Variants in LCP1 observed in about 807,000 individuals in gnomAD.
The protein encoded by LCP1 is plastin-2.
Under a neutral mutation model 72.0 loss-of-function variants are expected in LCP1, and 23 were observed. The ratio of observed to expected loss-of-function variants is 0.32; its 90% CI spans 0.23 to 0.45. The LOEUF is 0.45. Among genes scored for constraint, LCP1 ranks in the 20% least tolerant of loss-of-function variants. The pLI is 1.00. For missense variants in LCP1, 571 were observed against 748.3 expected (o/e 0.76, Z 2.76); for synonymous variants, 245 against 275.4 (o/e 0.89, Z 1.09).
chr13:46,167,268 G>A (rs1365831660), intron 1 of LCP1, among the ~76,000 whole-genome samples: 2 of 152,120 alleles, frequency 1.3e-5, no homozygotes, highest in Non-Finnish European at 2.9e-5. Context: ...ACCTCATATT[G>A]CTCTGGGTAC....
chr13:46,148,578 C>G, intron 8 of LCP1, 131 bp from the exon 9 acceptor site: 1 of 586,416 alleles, frequency 1.7e-6, no homozygotes. Context: ...CTTAACAAAG[C>G]TAGAAACATT....
chr13:46,169,778 G>A (rs1593963657), intron 1 of LCP1: 1 of 152,114 alleles, frequency 6.6e-6, no homozygotes, highest in Non-Finnish European at 1.5e-5. Flanking sequence ...TTGCACTAAG[G>A]CCCTCCAAAT....
At chr13:46,142,608 A>G in intron 12 of LCP1, 183 bp from the exon 13 acceptor site, 2 of 641,872 alleles carry the variant, frequency 3.1e-6, no homozygotes, top group East Asian at 5.7e-5. Flanking sequence ...TGTCCTTAGA[A>G]CCCCTCACTT....
At position 46,152,985 on chromosome 13, in the gene LCP1, T is replaced by G. The variant is rs368807624; in HGVS notation, c.574-40A>C. 48 of 1,574,690 alleles carry G rather than the reference T, an allele frequency of 3.0e-5. No individual in the cohort carries two copies. In the African/African-American group the frequency reaches 6.4e-4, roughly 21 times the overall value. Reference sequence around the variant, plus strand: ...GTATGCAAGTTTTTGTTCTATGACTTTGTAGATGCCAAATAATACCGATGG... The same window carrying G: ...GTATGCAAGTTTTTGTTCTATGACTGTGTAGATGCCAAATAATACCGATGG... On this transcript the variant is annotated intron_variant, in intron 6 of 15. Transcript: ENST00000323076.
chr13:46,140,181 A>G (rs879032047), intron 13 of LCP1, among the ~76,000 whole-genome samples: 2 of 152,242 alleles, frequency 1.3e-5, no homozygotes, highest in Admixed American at 6.5e-5. Flanking sequence ...TGAGAACTGT[A>G]TAGAGAGAAG....
At chr13:46,177,518 T>A (rs1458298128) in intron 1 of LCP1, among the ~76,000 whole-genome samples, 3 of 151,980 alleles carry the variant, frequency 2.0e-5, no homozygotes, top group African/African-American at 4.8e-5. Flanking sequence ...TGGGCGCCTG[T>A]AGTCCCAGCT....
intron 13 of LCP1, among the ~76,000 whole-genome samples, chr13:46,141,013 G>C (rs1023558235): frequency 2.6e-5 from 4 of 152,194 alleles, no homozygotes; most frequent in Non-Finnish European, 5.9e-5. Context: ...GGGCTGGTGG[G>C]TATGGAAGAT....
chr13:46,163,117 G>A (rs1306709847), intron 1 of LCP1, among the ~76,000 whole-genome samples: 1 of 152,120 alleles, frequency 6.6e-6, no homozygotes, highest in Non-Finnish European at 1.5e-5. Context: ...CTGCCCGGCC[G>A]CCACCCCGTC....
At chr13:46,171,402 CTT>C (rs2045903862) in intron 1 of LCP1, among the ~76,000 whole-genome samples, 2 of 152,184 alleles carry the variant, frequency 1.3e-5, no homozygotes, top group African/African-American at 4.8e-5. Flanking sequence ...CAAGGTTTTA[CTT>C]AGGACTGGGC....
intron 1 of LCP1, among the ~76,000 whole-genome samples, chr13:46,174,127 A>G (rs1415297313): frequency 6.6e-6 from 1 of 152,250 alleles, no homozygotes; most frequent in Admixed American, 6.5e-5. Context: ...ATTTGTATAC[A>G]AGCAATGATA....
chr13:46,166,981 T>C (rs2045879949), intron 1 of LCP1, among the ~76,000 whole-genome samples: 1 of 152,216 alleles, frequency 6.6e-6, no homozygotes, highest in Admixed American at 6.5e-5. Context: ...ATAAATGGCC[T>C]TAAAAACAGA....
At chr13:46,151,211 A>G (rs2045762061) in intron 7 of LCP1, 133 bp from the exon 8 acceptor site, 2 of 782,168 alleles carry the variant, frequency 2.6e-6, no homozygotes, top group Admixed American at 3.3e-5. Context: ...AGGTTCTTGT[A>G]GCCTTTCCCA....
intron 2 of LCP1, 130 bp from the exon 3 acceptor site, chr13:46,159,119 G>A (rs930143544): frequency 1.2e-6 from 1 of 802,500 alleles, no homozygotes; most frequent in African/African-American, 1.7e-5. Context: ...CATGATCCCA[G>A]GGAAGAGTCA....
intron 13 of LCP1, among the ~76,000 whole-genome samples, chr13:46,135,052 T>A (rs1218905790): frequency 7.1e-6 from 1 of 140,808 alleles, no homozygotes; most frequent in East Asian, 2.1e-4. Flanking sequence ...GAGGTTGCAG[T>A]GAGCTGAGAT....
chr13:46,165,173 A>G (rs1257254132), intron 1 of LCP1, among the ~76,000 whole-genome samples: 3 of 152,056 alleles, frequency 2.0e-5, no homozygotes, highest in Non-Finnish European at 2.9e-5. Context: ...TAGGTGTTCG[A>G]GACCAGCCTG....
Position 46,155,025 on chromosome 13 carries a change from T to G in LCP1, c.492-139A>C, listed in dbSNP as rs946502120. On this transcript the variant is annotated intron_variant, in intron 5 of 15. Coordinates refer to ENST00000323076, the MANE Select transcript of LCP1 (RefSeq NM_002298.5). Reference sequence around the variant, plus strand: ...TGATGTTTAGATATAAAATCAGTTATGCCGTTTGACTAGACTCAAACTATC... The same window carrying G: ...TGATGTTTAGATATAAAATCAGTTAGGCCGTTTGACTAGACTCAAACTATC... 3.5e-5 allele frequency: 24 copies of G among 683,196 alleles called. No individual in the cohort carries two copies. The South Asian group carries it at 4.2e-4, about 12-fold the overall frequency. 42.3% of individuals were successfully genotyped at this position (683,196 alleles called of 1,614,324 possible).
chr13:46,129,971 G>T (rs1000367003), intron 15 of LCP1, among the ~76,000 whole-genome samples: 2 of 152,178 alleles, frequency 1.3e-5, no homozygotes, highest in Admixed American at 1.3e-4. Context: ...TCACAGACAC[G>T]CAAGAAGAAT....
chr13:46,159,774 G>A (rs2045826549), intron 1 of LCP1, 88 bp from the exon 2 acceptor site: 2 of 757,846 alleles, frequency 2.6e-6, no homozygotes, highest in African/African-American at 1.7e-5. Flanking sequence ...TTTATTACAT[G>A]AAGAAATATT....
Position 46,156,497 on chromosome 13 carries a change from G to A in LCP1, c.432C>T (p.Ile144=), listed in dbSNP as rs1466932936. Residue 144 remains isoleucine (I), a synonymous_variant, in exon 5 of 16, where the codon ATC becomes ATT. Transcript: ENST00000323076. The part of the protein sequence containing the change: ...LENDPDCRHV[I]PMNPNTNDLF... ...GATCATTCGTGTTTGGGTTCATTGG[G>A]ATGACATGCCGACAATCAGGATCAT... is the stretch of plus-strand genomic sequence containing the variant. The A allele has an allele frequency of 6.2e-7, 1 of 1,614,164 alleles. No homozygotes were observed. The highest frequency in any genetic ancestry group is 2.2e-5 in the East Asian group (1 of 44,882).
Sources: allele counts gnomAD v4.1 joint callset (sites outside exome capture counted in the v4.1 genomes callset), GRCh38; gene constraint gnomAD v4.1.1; transcripts MANE v1.5; gene names NCBI Gene and HGNC (gene_info 2026-07-23, HGNC 2026-07-21).